The following ARID4A variants were observed in gnomAD, a reference collection of about 807,000 sequenced individuals.
ARID4A encodes the protein AT-rich interaction domain 4A.
In ARID4A, 39 loss-of-function variants were observed where a neutral mutation model predicts 148.6. The ratio of observed to expected loss-of-function variants is 0.26; its 90% CI spans 0.20 to 0.34. The LOEUF (loss-of-function observed/expected upper bound fraction) is 0.34. Ranked by LOEUF, ARID4A falls within the 10% of genes least tolerant of loss-of-function variation. ARID4A has a pLI of 1.00. For synonymous variants in ARID4A, 475 were observed against 481.2 expected, an observed-to-expected ratio of 0.99 and a Z score of 0.17; for missense variants, 1,265 against 1,449.1, an observed-to-expected ratio of 0.87 and a Z score of 2.06.
intron 7 of ARID4A, among the ~76,000 whole-genome samples, chr14:58,321,413 T>G (rs1405897091): frequency 6.6e-6 from 1 of 152,222 alleles, no homozygotes; most frequent in East Asian, 1.9e-4. Flanking sequence ...GTTCCAGATT[T>G]AGCCAAGGGA....
At position 58,372,619 on chromosome 14, in the gene ARID4A, CA is replaced by C. The variant is rs1381919067; in HGVS notation, c.*634del. The C allele has an allele frequency of 5.0e-6, 1 of 201,564 alleles. No homozygotes were observed. The highest frequency in any genetic ancestry group is 1.0e-5 in the Non-Finnish European group (1 of 97,854). 12.5% of individuals were successfully genotyped at this position (201,564 alleles called of 1,614,324 possible). ...CCACTTTTTATAGGATTTTTGAGCA[CA>C]AAATTATGCAAATATTTTAATGTTT... On this transcript the variant is annotated 3_prime_UTR_variant, in exon 24 of 24. Coordinates refer to ENST00000355431, the MANE Select transcript of ARID4A (RefSeq NM_002892.4).
chr14:58,320,156 CAGG>C (rs2032772670), intron 7 of ARID4A, among the ~76,000 whole-genome samples: 1 of 151,774 alleles, frequency 6.6e-6, no homozygotes, highest in African/African-American at 2.4e-5. Flanking sequence ...CCATGTTGGC[CAGG>C]ATGATCTCGA....
rs1161554325 is a variant in ARID4A at position 58,365,225 on chromosome 14, G to A, written c.3136G>A (p.Ala1046Thr). 1 of 1,613,926 alleles carries A rather than the reference G, an allele frequency of 6.2e-7. No homozygotes were observed. Among genetic ancestry groups the A allele is most frequent in the African/African-American group, 1.3e-5 (1 of 74,900 alleles). Residue 1046 changes from alanine to threonine, a missense_variant, in exon 20 of 24, where the codon GCA becomes ACA. Ala to Thr is a moderately conservative substitution (Grantham distance 58). Around this residue, in one of 9 missense-constraint regions of ARID4A, gnomAD observed 666 missense variants for 730.9 expected, o/e 0.91. Transcript: ENST00000355431. Reference protein sequence around the residue: ...SQEGLCERESANGFETNVASG... With the variant: ...SQEGLCERESTNGFETNVASG... ...AGAAGGTCTCTGTGAGAGGGAATCG[G>A]CAAATGGATTTGAAACTAATGTTGC...
intron 11 of ARID4A, among the ~76,000 whole-genome samples, chr14:58,335,081 A>C (rs950810174): frequency 2.0e-5 from 3 of 152,274 alleles, no homozygotes; most frequent in Admixed American, 6.5e-5. Context: ...TGACTCCAAC[A>C]AACTTTTGTA....
intron 11 of ARID4A, among the ~76,000 whole-genome samples, chr14:58,332,005 C>T (rs1003386953): frequency 6.8e-6 from 1 of 146,848 alleles, no homozygotes; most frequent in South Asian, 2.3e-4. Context: ...ACCCCCCCCC[C>T]CCCAAAAAAC....
chr14:58,359,736 A>C (rs547131311), intron 18 of ARID4A, among the ~76,000 whole-genome samples: 1 of 152,258 alleles, frequency 6.6e-6, no homozygotes, highest in East Asian at 1.9e-4. Context: ...AGTAATATGC[A>C]TATACGATAT....
intron 12 of ARID4A, 32 bp downstream of exon 12, chr14:58,344,799 AT>A: frequency 6.6e-7 from 1 of 1,508,718 alleles, no homozygotes; most frequent in East Asian, 2.3e-5. Flanking sequence ...TAAAGTAGTC[AT>A]TTCTTTTTCA....
chr14:58,367,710 TC>T (rs1451096826), intron 23 of ARID4A, among the ~76,000 whole-genome samples: 8 of 152,140 alleles, frequency 5.3e-5, no homozygotes, highest in Admixed American at 3.3e-4. Context: ...CATGAACATG[TC>T]CATCTACAGT....
chr14:58,309,211 G>A (rs568263416), intron 5 of ARID4A, among the ~76,000 whole-genome samples: 160 of 152,256 alleles, frequency 1.1e-3, no homozygotes, highest in African/African-American at 3.6e-3. Context: ...GAATTCCTGG[G>A]CTCAAGCAGT....
At chr14:58,347,149 T>C in intron 14 of ARID4A, 32 bp downstream of exon 14, 1 of 1,163,412 alleles carries the variant, frequency 8.6e-7, no homozygotes, top group Non-Finnish European at 1.2e-6. Context: ...TCAAAGAATA[T>C]ATATTTATAG....
At chr14:58,335,398 C>G (rs1199774938) in intron 11 of ARID4A, among the ~76,000 whole-genome samples, 1 of 151,468 alleles carries the variant, frequency 6.6e-6, no homozygotes, top group African/African-American at 2.4e-5. Flanking sequence ...ACCACAACCT[C>G]CGCCTCCTGG....
Position 58,312,899 on chromosome 14 carries a change from CAG to C in ARID4A, c.275-5641_275-5640del, listed in dbSNP as rs2032148254. On this transcript the variant is annotated intron_variant, in intron 5 of 23. Coordinates refer to ENST00000355431, the MANE Select transcript of ARID4A (RefSeq NM_002892.4). ...AGTGATAGCCAATTATATTTATAGACAGATAAAATTAATTTACTGTTATTATT... is the reference window on the plus strand; with the variant it reads ...AGTGATAGCCAATTATATTTATAGACATAAAATTAATTTACTGTTATTATT... Among the ~76,000 whole-genome samples, 3 of 152,182 alleles carry C rather than the reference CAG, an allele frequency of 2.0e-5. No individual in the cohort carries two copies. The South Asian group carries it at 6.2e-4, about 31-fold the overall frequency.
At chr14:58,306,648 C>T (rs2031625484) in intron 5 of ARID4A, among the ~76,000 whole-genome samples, 1 of 152,156 alleles carries the variant, frequency 6.6e-6, no homozygotes, top group Non-Finnish European at 1.5e-5. Context: ...AAAGCTGAGG[C>T]GGGTGGATCA....
intron 12 of ARID4A, 152 bp from the exon 13 acceptor site, chr14:58,346,259 A>G (rs1165688196): frequency 2.9e-6 from 1 of 340,358 alleles, no homozygotes; most frequent in African/African-American, 2.1e-5. Context: ...ACACAAGAGA[A>G]TTATCTTGTG....
rs995078477 is a variant in ARID4A, at chr14:58,337,278, G to A, written c.906+7109G>A. ...TATATATATATATATAATTAAAACCGAGGTTTAGAGAGGTTTCAGAATTTT... is the reference window on the plus strand; with the variant it reads ...TATATATATATATATAATTAAAACCAAGGTTTAGAGAGGTTTCAGAATTTT... On this transcript the variant is annotated intron_variant, in intron 11 of 23. Coordinates refer to ENST00000355431, the MANE Select transcript of ARID4A (RefSeq NM_002892.4). Among the ~76,000 whole-genome samples, 25 of 63,958 alleles carry A rather than the reference G, an allele frequency of 3.9e-4. No individual in the cohort carries two copies. In the East Asian group the frequency reaches 7.0e-3, roughly 18 times the overall value. The allele number at this position is 63,958 out of a possible 152,430, so 42.0% of individuals were successfully genotyped here.
At chr14:58,310,424 C>A (rs1033298756) in intron 5 of ARID4A, among the ~76,000 whole-genome samples, 6 of 152,074 alleles carry the variant, frequency 3.9e-5, no homozygotes, top group Non-Finnish European at 7.4e-5. Context: ...AAAATAGACA[C>A]ATAGATCAGT....
intron 11 of ARID4A, among the ~76,000 whole-genome samples, chr14:58,336,237 TG>T (rs2033808031): frequency 6.6e-6 from 1 of 152,250 alleles, no homozygotes; most frequent in Non-Finnish European, 1.5e-5. Flanking sequence ...CATACTGTCT[TG>T]GCTCTTAGTC....
intron 19 of ARID4A, among the ~76,000 whole-genome samples, chr14:58,361,799 A>AT (rs932081874): frequency 1.9e-4 from 29 of 152,208 alleles, no homozygotes; most frequent in Admixed American, 5.2e-4. Context: ...CAGGTCTGGA[A>AT]TTTTTTACTT....
chr14:58,365,594 T>C lies in ARID4A; in HGVS notation c.3288T>C (p.Ala1096=), dbSNP rs201474609. 1.6e-5 allele frequency: 26 copies of C among 1,612,276 alleles called. No individual in the cohort carries two copies. Among genetic ancestry groups the C allele is most frequent in the Non-Finnish European group, 2.0e-5 (24 of 1,179,324 alleles). Residue 1096 remains alanine, a synonymous_variant, in exon 21 of 24, where the codon GCT becomes GCC. Transcript: ENST00000355431. The part of the protein sequence containing the change: ...KQKRTPKRTS[A]AAKNEKNGTG... Reference sequence around the variant, plus strand: ...AGCGTACCCCAAAGCGAACAAGTGCTGCAGCCAAAAATGAAAAGAATGGAA... The same window carrying C: ...AGCGTACCCCAAAGCGAACAAGTGCCGCAGCCAAAAATGAAAAGAATGGAA...
Sources: allele counts gnomAD v4.1 joint callset (sites outside exome capture counted in the v4.1 genomes callset), GRCh38; gene constraint gnomAD v4.1.1; regional missense constraint gnomAD v4.1.1; transcripts MANE v1.5; gene names NCBI Gene and HGNC (gene_info 2026-07-23, HGNC 2026-07-21).